ANO2: variants seen among roughly 807,000 people sequenced by gnomAD.
ANO2 encodes the protein anoctamin-2.
Under a neutral mutation model 124.2 loss-of-function variants are expected in ANO2, and 101 were observed. That is an observed-to-expected ratio of 0.81 (90% CI 0.69 to 0.96). The LOEUF (loss-of-function observed/expected upper bound fraction) is 0.96. ANO2 is among the 40% of genes least tolerant of loss of function. The pLI is 0.00. For missense variants in ANO2, 1,293 were observed against 1,274.5 expected (o/e 1.01, Z -0.22); for synonymous variants, 486 against 482.5 (o/e 1.01, Z -0.09).
At chr12:5,912,997 G>A (rs1161860700) in intron 3 of ANO2, among the ~76,000 whole-genome samples, 1 of 152,122 alleles carries the variant, frequency 6.6e-6, no homozygotes, top group African/African-American at 2.4e-5. Context: ...CACTCCAGAG[G>A]AGAAAATAGC....
At chr12:5,939,213 C>CAAAAAAAAAA (rs34787622) in intron 1 of ANO2, among the ~76,000 whole-genome samples, 3 of 86,178 alleles carry the variant, frequency 3.5e-5, no homozygotes, top group African/African-American at 8.8e-5. Flanking sequence ...AAGACTCCAA[C>CAAAAAAAAAA]AAAAAAAAAA....
At chr12:5,675,670 C>T (rs251761) in intron 14 of ANO2, among the ~76,000 whole-genome samples, 152,205 of 152,340 alleles carry the variant, frequency 1, 76,035 homozygotes, top group Middle Eastern at 1. Context: ...GGTTGGGATA[C>T]AGGATAACTC....
At chr12:5,742,370 G>A (rs868756825) in intron 12 of ANO2, among the ~76,000 whole-genome samples, 4 of 152,310 alleles carry the variant, frequency 2.6e-5, no homozygotes, top group Middle Eastern at 3.4e-3. Flanking sequence ...CAGCAAGACT[G>A]TCAAAAAACA....
chr12:5,746,352 A>C (rs959446273), intron 11 of ANO2, among the ~76,000 whole-genome samples: 1 of 152,230 alleles, frequency 6.6e-6, no homozygotes, highest in African/African-American at 2.4e-5. Context: ...TTAAATGTGA[A>C]GTCAGAATGC....
At chr12:5,759,780 A>C (rs554564767) in intron 10 of ANO2, among the ~76,000 whole-genome samples, 40 of 151,830 alleles carry the variant, frequency 2.6e-4, no homozygotes, top group Non-Finnish European at 3.7e-4. Flanking sequence ...GTATGGAAAG[A>C]AAAAAAACTA....
Position 5,636,349 on chromosome 12 carries a change from G to A in ANO2, c.1621-1002C>T, listed in dbSNP as rs2136939191. Among the ~76,000 whole-genome samples the A allele has an allele frequency of 6.6e-6, 1 of 152,260 alleles. No homozygotes were observed. Among genetic ancestry groups the A allele is most frequent in the South Asian group, 2.1e-4 (1 of 4,828 alleles). ...CAAGTGCCCTGAGTAAAGCCTCTTA[G>A]AGGGGATAGAAGAAGGAGAGACAAC... On this transcript the variant is annotated intron_variant, in intron 15 of 24. Transcript: ENST00000682330. This position sits in a 1 kb window ranked among gnomAD's most constrained non-coding sequence, Gnocchi z 4.6.
At chr12:5,864,079 G>T (rs1955355403) in intron 3 of ANO2, among the ~76,000 whole-genome samples, 1 of 151,946 alleles carries the variant, frequency 6.6e-6, no homozygotes, top group African/African-American at 2.4e-5. Flanking sequence ...TGTTCCTAGG[G>T]CCAAAAAAAC....
intron 10 of ANO2, among the ~76,000 whole-genome samples, chr12:5,774,435 C>A (rs1952170826): frequency 6.6e-6 from 1 of 152,178 alleles, no homozygotes; most frequent in South Asian, 2.1e-4. Context: ...CACCACACTC[C>A]AGCCTGGGAA....
intron 3 of ANO2, among the ~76,000 whole-genome samples, chr12:5,892,788 G>GA (rs1451447283): frequency 2.6e-5 from 4 of 151,980 alleles, no homozygotes; most frequent in Non-Finnish European, 4.4e-5. Flanking sequence ...AAATTCTTCA[G>GA]AAAAAAGGAA....
intron 9 of ANO2, among the ~76,000 whole-genome samples, chr12:5,803,678 C>A (rs904113061): frequency 6.6e-6 from 1 of 152,176 alleles, no homozygotes; most frequent in Non-Finnish European, 1.5e-5. Flanking sequence ...TCTACCCCCA[C>A]GCTGCTCCCT....
chr12:5,592,695 C>T (rs1943463027), intron 20 of ANO2, among the ~76,000 whole-genome samples: 2 of 152,184 alleles, frequency 1.3e-5, no homozygotes, highest in Admixed American at 1.3e-4. Flanking sequence ...AGGGAGTCAA[C>T]TTAGGATGCA....
chr12:5,817,360 A>C (rs1158460100), intron 7 of ANO2, among the ~76,000 whole-genome samples: 1 of 152,230 alleles, frequency 6.6e-6, no homozygotes, highest in African/African-American at 2.4e-5. Context: ...CAGGCTGGGC[A>C]TTTTTAAATT....
chr12:5,848,677 C>G (rs531170357), intron 4 of ANO2, among the ~76,000 whole-genome samples: 1 of 152,180 alleles, frequency 6.6e-6, no homozygotes, highest in Non-Finnish European at 1.5e-5. Context: ...CCCAAGGACC[C>G]GCGCTCTAGG....
intron 14 of ANO2, among the ~76,000 whole-genome samples, chr12:5,721,854 T>C (rs896619697): frequency 1.3e-5 from 2 of 152,184 alleles, no homozygotes; most frequent in African/African-American, 4.8e-5. Flanking sequence ...TGGTTCACAG[T>C]ACCCTTAAGG....
chr12:5,739,701 G>A lies in ANO2; in HGVS notation c.1352-302C>T, dbSNP rs559076442. On this transcript the variant is annotated intron_variant, in intron 12 of 24. Coordinates refer to ENST00000682330, the MANE Select transcript of ANO2 (RefSeq NM_001364791.2). ...TCTGGAGAAGTAAAGTAAGGATGGC[G>A]GGATGAAGAAAATAAAAAGGGAGGG... 2.0e-4 allele frequency among the ~76,000 whole-genome samples: 31 copies of A among 152,014 alleles called. No homozygotes were observed. In the South Asian group the frequency reaches 4.8e-3, roughly 23 times the overall value.
At chr12:5,599,700 A>G in intron 19 of ANO2, 71 bp from the exon 20 acceptor site, 1 of 1,533,224 alleles carries the variant, frequency 6.5e-7, no homozygotes, top group Non-Finnish European at 8.8e-7. Flanking sequence ...CAGAAAAAAG[A>G]AAAAGAACAC....
At chr12:5,692,765 G>A (rs542633601) in intron 14 of ANO2, among the ~76,000 whole-genome samples, 1 of 152,184 alleles carries the variant, frequency 6.6e-6, no homozygotes, top group Non-Finnish European at 1.5e-5. Flanking sequence ...GCTGTCCCCT[G>A]CGCCCCGTAG....
chr12:5,818,261 C>T (rs1953672107), intron 7 of ANO2, among the ~76,000 whole-genome samples: 1 of 151,690 alleles, frequency 6.6e-6, no homozygotes, highest in African/African-American at 2.4e-5. Context: ...AGTGCAGCTA[C>T]AATATAAAGC....
intron 20 of ANO2, among the ~76,000 whole-genome samples, chr12:5,594,574 G>A (rs1943567669): frequency 6.6e-6 from 1 of 152,132 alleles, no homozygotes. Flanking sequence ...GGTGGCTCAT[G>A]CCTGTAATCC....
Sources: gnomAD v4.1 joint callset for allele counts (sites outside exome capture counted in the v4.1 genomes callset) on GRCh38, gnomAD v4.1.1 for gene constraint, Gnocchi (gnomAD v3.1) non-coding constraint, MANE v1.5 for transcripts, NCBI Gene and HGNC (gene_info 2026-07-23, HGNC 2026-07-21) for gene names.